Variants in UNC13A observed in about 807,000 individuals in gnomAD.
The protein encoded by UNC13A is protein unc-13 homolog A.
A neutral mutation model predicts 219.7 loss-of-function variants in UNC13A; 61 were observed. That is an observed-to-expected ratio of 0.28 (90% CI 0.23 to 0.34). UNC13A has a LOEUF of 0.34. UNC13A is among the 10% of genes least tolerant of loss of function. UNC13A has a pLI of 1.00. For synonymous variants in UNC13A, 920 were observed against 884.6 expected (o/e 1.04, Z -0.71); for missense variants, 1,476 against 2,270.3 (o/e 0.65, Z 7.11).
chr19:17,613,720 T>C (rs2076629902), intron 41 of UNC13A: 1 of 147,810 alleles, frequency 6.8e-6, no homozygotes, highest in South Asian at 2.2e-4. Context: ...TTTTTTTTTT[T>C]TTTTCTTTTT....
intron 1 of UNC13A, among the ~76,000 whole-genome samples, chr19:17,682,119 A>G (rs947603259): frequency 6.6e-6 from 1 of 151,834 alleles, no homozygotes; most frequent in Admixed American, 6.6e-5. Context: ...TACCCAGCTA[A>G]TTTTTTTGTA....
rs1345869765 is a variant in UNC13A at position 17,624,863 on chromosome 19, T to C, written c.4163A>G (p.Lys1388Arg). ...LWKLVMNTMEKTIVLPPLTDQ... is the reference protein window; with the variant it reads ...LWKLVMNTMERTIVLPPLTDQ... ...AGTGAGGGGCGGCAGGACGATGGTT[T>C]TCTCCATGGTGTTCATAACCAGCTT... is the stretch of plus-strand genomic sequence containing the variant. Residue 1388 changes from lysine to arginine, a missense_variant, in exon 35 of 44, where the codon AAA (lysine) becomes AGA (arginine). Physicochemically the swap from Lys to Arg is conservative, Grantham distance 26. Transcript: ENST00000519716. The C allele has an allele frequency of 5.0e-6, 8 of 1,613,770 alleles. No individual in the cohort carries two copies. Among genetic ancestry groups the C allele is most frequent in the Non-Finnish European group, 6.8e-6 (8 of 1,179,720 alleles).
chr19:17,630,203 T>C lies in UNC13A; in HGVS notation c.3611A>G (p.Lys1204Arg). The C allele has an allele frequency of 6.4e-7, 1 of 1,552,860 alleles. No individual in the cohort carries two copies. Among genetic ancestry groups the C allele is most frequent in the South Asian group, 1.2e-5 (1 of 84,090 alleles). The change falls in exon 30 of 44, where the codon AAG becomes AGG. Residue 1204 changes from lysine (K) to arginine (R), a missense_variant. Transcript: ENST00000519716. ...SQLNQSFEII[K>R]KLECPDPQIV... is the part of the protein sequence containing the mutation. Reference sequence around the variant, plus strand: ...CTGAGGGTCGGGACACTCGAGTTTCTTGATGATTTCAAAGCTCTGGTTGAG... The same window carrying C: ...CTGAGGGTCGGGACACTCGAGTTTCCTGATGATTTCAAAGCTCTGGTTGAG...
intron 41 of UNC13A, among the ~76,000 whole-genome samples, chr19:17,613,029 C>T (rs558917639): frequency 5.6e-4 from 85 of 152,134 alleles, no homozygotes; most frequent in Admixed American, 2.0e-3. Context: ...GTCAAGAGTT[C>T]AAGCCCATCC....
chr19:17,637,332 CTG>C (rs1018072540), intron 25 of UNC13A, among the ~76,000 whole-genome samples: 11 of 147,318 alleles, frequency 7.5e-5, no homozygotes, highest in African/African-American at 2.8e-4. Context: ...GAGTCTCGCT[CTG>C]TCACCCAGGC....
Position 17,649,190 on chromosome 19 carries a change from G to A in UNC13A, c.1524+149C>T, listed in dbSNP as rs2079298705. On this transcript the variant is annotated intron_variant, in intron 14 of 43. Coordinates refer to ENST00000519716, the MANE Select transcript of UNC13A (RefSeq NM_001080421.3). This position sits in a 1 kb window ranked among gnomAD's most constrained non-coding sequence, Gnocchi z 4.4. ...TGAGTTAGAAGGGACCCTGGAAAGT[G>A]AGCAGCCCCGCACCCCTGACTCACA... 3.8e-6 allele frequency: 5 copies of A among 1,326,520 alleles called. No homozygotes were observed. In the South Asian group the frequency reaches 3.9e-5, roughly 10 times the overall value. The allele number at this position is 1,326,520 out of a possible 1,614,324, so 82.2% of individuals were successfully genotyped here.
chr19:17,634,550 G>A (rs771426474), intron 26 of UNC13A, among the ~76,000 whole-genome samples: 4 of 152,110 alleles, frequency 2.6e-5, no homozygotes, highest in Non-Finnish European at 5.9e-5. Flanking sequence ...ATGTTGGCCA[G>A]GCTGGTCTCA....
chr19:17,666,109 CTTTTCTCTTTTCTTTTCTTTCT>C (rs1265750179), intron 7 of UNC13A, among the ~76,000 whole-genome samples: 35 of 104,324 alleles, frequency 3.4e-4, no homozygotes, highest in African/African-American at 1.0e-3. Flanking sequence ...CCTTTCTTTT[CTTTTCTCTTTTCTTTTCTTTCT>C]TTTTCTTTCT....
chr19:17,606,560 G>A (rs985240024), intron 43 of UNC13A, among the ~76,000 whole-genome samples: 5 of 152,068 alleles, frequency 3.3e-5, no homozygotes, highest in African/African-American at 4.8e-5. Flanking sequence ...ACCCCGAGCT[G>A]GGCCACGCCC....
In UNC13A at chr19:17,623,550, G is replaced by C; in HGVS notation, c.4198-3C>G. 7.9e-7 allele frequency: 1 copy of C among 1,266,772 alleles called. No individual in the cohort carries two copies. Among genetic ancestry groups the C allele is most frequent in the South Asian group, 1.5e-5 (1 of 67,608 alleles). The allele number at this position is 1,266,772 out of a possible 1,614,324, so 78.5% of individuals were successfully genotyped here. ...GACGGGACTCTACTTACGATCATCT[G>C]TCATCCGTGATGGGGGCGGGGCGGT... On this transcript the variant is annotated splice_polypyrimidine_tract_variant and splice_region_variant and intron_variant, in intron 35 of 43. Coordinates refer to ENST00000519716, the MANE Select transcript of UNC13A (RefSeq NM_001080421.3).
chr19:17,611,663 C>T (rs2076604921), intron 42 of UNC13A, 100 bp downstream of exon 42: 2 of 1,097,554 alleles, frequency 1.8e-6, no homozygotes, highest in Non-Finnish European at 2.7e-6. Flanking sequence ...TTTCATGGAC[C>T]ATTAAACAAC....
intron 36 of UNC13A, 195 bp downstream of exon 36, chr19:17,623,347 G>A: frequency 2.0e-6 from 1 of 508,870 alleles, no homozygotes; most frequent in Non-Finnish European, 3.5e-6. Flanking sequence ...GGGTGGGCGT[G>A]GTCTCCCTCC....
intron 19 of UNC13A, among the ~76,000 whole-genome samples, chr19:17,643,781 C>A (rs1259558557): frequency 1.3e-5 from 2 of 152,132 alleles, no homozygotes; most frequent in Non-Finnish European, 2.9e-5. Context: ...ATGTGCCTCC[C>A]TCCTTAGACT....
chr19:17,678,493 A>G (rs577445105), intron 1 of UNC13A, among the ~76,000 whole-genome samples: 120 of 152,120 alleles, frequency 7.9e-4, no homozygotes, highest in African/African-American at 2.5e-3. Context: ...GGTTTGAGCC[A>G]GGTTCAGATT....
chr19:17,626,961 A>T (rs749845960), intron 33 of UNC13A, among the ~76,000 whole-genome samples, 176 bp from the exon 34 acceptor site: 1 of 152,216 alleles, frequency 6.6e-6, no homozygotes, highest in Non-Finnish European at 1.5e-5. Flanking sequence ...TGGGAGGCCA[A>T]GGCGGGCGGA....
rs989151169 is a variant in UNC13A, at chr19:17,620,587, CA to C, written c.4272+105del. On this transcript the variant is annotated intron_variant, in intron 38 of 43. Coordinates refer to ENST00000519716, the MANE Select transcript of UNC13A (RefSeq NM_001080421.3). The stretch of plus-strand genomic sequence containing the variant: ...AAGAAGAGACCAACAGACAGGTTCA[CA>C]GTACGCCCTCGGACGGCACGAACCA... 11 of 1,051,608 alleles carry C rather than the reference CA, an allele frequency of 1.0e-5. No individual in the cohort carries two copies. In the Admixed American group the frequency reaches 2.2e-4, roughly 21 times the overall value. 65.1% of individuals were successfully genotyped at this position (1,051,608 alleles called of 1,614,324 possible).
intron 34 of UNC13A, 187 bp downstream of exon 34, chr19:17,626,446 C>G (rs62119953): frequency 0.12 from 69,379 of 582,866 alleles, 4,530 homozygotes; most frequent in Admixed American, 0.17. Context: ...TATTTACTCA[C>G]CAATCCTTCC....
chr19:17,670,938 T>TAAAATAAAATA (rs910525698), intron 4 of UNC13A, among the ~76,000 whole-genome samples: 2 of 149,064 alleles, frequency 1.3e-5, no homozygotes, highest in Non-Finnish European at 3.0e-5. Flanking sequence ...TAAAATAAAA[T>TAAAATAAAATA]AAAATAAAAT....
At position 17,624,858 on chromosome 19, in the gene UNC13A, T is replaced by A; in HGVS notation, c.4168A>T (p.Ile1390Phe). 1 of 1,613,834 alleles carries A rather than the reference T, an allele frequency of 6.2e-7. No homozygotes were observed. The highest frequency in any genetic ancestry group is 8.5e-7 in the Non-Finnish European group (1 of 1,179,766). ...KLVMNTMEKT[I>F]VLPPLTDQTM... ...TGGTCAGTGAGGGGCGGCAGGACGA[T>A]GGTTTTCTCCATGGTGTTCATAACC... Residue 1390 changes from isoleucine (I) to phenylalanine (F), a missense_variant, in exon 35 of 44, where the codon ATC becomes TTC. Coordinates refer to ENST00000519716, the MANE Select transcript of UNC13A (RefSeq NM_001080421.3).
Sources: gnomAD v4.1 joint callset for allele counts (sites outside exome capture counted in the v4.1 genomes callset) on GRCh38, gnomAD v4.1.1 for gene constraint, Gnocchi (gnomAD v3.1) non-coding constraint, MANE v1.5 for transcripts, NCBI Gene and HGNC (gene_info 2026-07-23, HGNC 2026-07-21) for gene names.